The following KCNQ3 variants were observed in gnomAD, a reference collection of about 807,000 sequenced individuals.
KCNQ3 encodes potassium voltage-gated channel subfamily Q member 3.
A neutral mutation model predicts 92.5 loss-of-function variants in KCNQ3; 30 were observed. The ratio of observed to expected loss-of-function variants is 0.32; its 90% CI spans 0.24 to 0.44. The LOEUF (loss-of-function observed/expected upper bound fraction) is 0.44, where lower values mean the gene tolerates loss of function less well. Ranked by LOEUF, KCNQ3 falls within the 20% of genes least tolerant of loss-of-function variation. The pLI is 1.00. For synonymous variants in KCNQ3, 450 were observed against 468.8 expected, an observed-to-expected ratio of 0.96 and a Z score of 0.52; for missense variants, 913 against 1,140.3, an observed-to-expected ratio of 0.80 and a Z score of 2.87.
chr8:132,208,095 A>G (rs1813725782), intron 1 of KCNQ3, among the ~76,000 whole-genome samples: 1 of 152,008 alleles, frequency 6.6e-6, no homozygotes. Context: ...TGGATTTTAT[A>G]TTTACTTTCA....
intron 1 of KCNQ3, among the ~76,000 whole-genome samples, chr8:132,343,187 G>T (rs536793526): frequency 6.6e-6 from 1 of 152,308 alleles, no homozygotes; most frequent in African/African-American, 2.4e-5. Flanking sequence ...CAATGGATTT[G>T]CTTGCTCACT....
At chr8:132,211,794 T>C (rs893408781) in intron 1 of KCNQ3, among the ~76,000 whole-genome samples, 6 of 151,436 alleles carry the variant, frequency 4.0e-5, no homozygotes, top group Non-Finnish European at 8.8e-5. Context: ...CCACTAAAAA[T>C]ACAAAAAAAT....
intron 1 of KCNQ3, among the ~76,000 whole-genome samples, chr8:132,456,793 TA>T (rs1453445270): frequency 1.3e-5 from 2 of 152,080 alleles, no homozygotes; most frequent in Non-Finnish European, 2.9e-5. Flanking sequence ...CTTGTATTTT[TA>T]ATAGAGACGG....
chr8:132,435,535 T>C (rs1821370415), intron 1 of KCNQ3, among the ~76,000 whole-genome samples: 2 of 152,178 alleles, frequency 1.3e-5, no homozygotes, highest in Admixed American at 1.3e-4. Context: ...CAAAGCACCT[T>C]TGGGGGATAT....
intron 1 of KCNQ3, among the ~76,000 whole-genome samples, chr8:132,260,873 C>A (rs1312560565): frequency 6.6e-6 from 1 of 152,078 alleles, no homozygotes; most frequent in Non-Finnish European, 1.5e-5. Flanking sequence ...ATCTGTGCAT[C>A]CAACCATCAT....
chr8:132,314,811 T>C (rs1817692509), intron 1 of KCNQ3, among the ~76,000 whole-genome samples: 1 of 152,202 alleles, frequency 6.6e-6, no homozygotes, highest in African/African-American at 2.4e-5. Flanking sequence ...GAGGTTATGA[T>C]GTTTGAGAGA....
At chr8:132,153,726 C>T (rs1692174314) in intron 9 of KCNQ3, among the ~76,000 whole-genome samples, 3 of 92,704 alleles carry the variant, frequency 3.2e-5, no homozygotes, top group Non-Finnish European at 7.5e-5. Context: ...GATACTCCTA[C>T]CCCGCAAGCC....
At chr8:132,391,214 A>G (rs1586980046) in intron 1 of KCNQ3, among the ~76,000 whole-genome samples, 1 of 152,360 alleles carries the variant, frequency 6.6e-6, no homozygotes, top group East Asian at 1.9e-4. Context: ...GCCAAGACTC[A>G]TGGGTTCGGT....
chr8:132,280,153 T>C (rs1388814193), intron 1 of KCNQ3, among the ~76,000 whole-genome samples: 1 of 152,140 alleles, frequency 6.6e-6, no homozygotes, highest in East Asian at 1.9e-4. Context: ...CTCAAGATGA[T>C]TTCAGAGAGA....
chr8:132,238,668 G>A (rs1814894550), intron 1 of KCNQ3, among the ~76,000 whole-genome samples: 1 of 151,974 alleles, frequency 6.6e-6, no homozygotes, highest in Non-Finnish European at 1.5e-5. Context: ...CTTGTCGCCT[G>A]GCTTCTTTGG....
At chr8:132,147,036 A>G (rs1284892193) in intron 9 of KCNQ3, among the ~76,000 whole-genome samples, 1 of 152,254 alleles carries the variant, frequency 6.6e-6, no homozygotes, top group Non-Finnish European at 1.5e-5. Flanking sequence ...AAAAAAATTT[A>G]AAAAGAACAC....
intron 1 of KCNQ3, among the ~76,000 whole-genome samples, chr8:132,285,163 A>T (rs773905510): frequency 6.6e-5 from 10 of 152,152 alleles, no homozygotes; most frequent in Non-Finnish European, 1.2e-4. Context: ...GAACTGGGTA[A>T]TGGGTCGGGG....
At chr8:132,433,702 C>G (rs888761899) in intron 1 of KCNQ3, among the ~76,000 whole-genome samples, 8 of 149,290 alleles carry the variant, frequency 5.4e-5, no homozygotes, top group Admixed American at 4.7e-4. Flanking sequence ...CCAGCCTGGC[C>G]AACATGGCAA....
chr8:132,448,502 G>GAAAAAAAAAAAAAAAAAAA, intron 1 of KCNQ3, among the ~76,000 whole-genome samples: 165 of 93,812 alleles, frequency 1.8e-3, no homozygotes, highest in Middle Eastern at 0.012. Context: ...GGAGAAATAT[G>GAAAAAAAAAAAAAAAAAAA]AAAAAAAAAA....
intron 1 of KCNQ3, among the ~76,000 whole-genome samples, chr8:132,357,287 A>G (rs1419917873): frequency 6.6e-6 from 1 of 152,346 alleles, no homozygotes; most frequent in East Asian, 1.9e-4. Context: ...CAGCGAAGCA[A>G]GAGTGAAGAA....
At chr8:132,269,818 A>C (rs1385561571) in intron 1 of KCNQ3, among the ~76,000 whole-genome samples, 1 of 152,098 alleles carries the variant, frequency 6.6e-6, no homozygotes, top group African/African-American at 2.4e-5. Context: ...CCCTCTTTCT[A>C]TGACAACCAG....
intron 1 of KCNQ3, among the ~76,000 whole-genome samples, chr8:132,230,473 GAGA>G (rs1039881173): frequency 1.3e-5 from 2 of 150,648 alleles, no homozygotes; most frequent in African/African-American, 2.5e-5. Context: ...GAGAGAGAGA[GAGA>G]GAGAGAAAAT....
At chr8:132,403,047 A>G (rs555681171) in intron 1 of KCNQ3, among the ~76,000 whole-genome samples, 5 of 147,774 alleles carry the variant, frequency 3.4e-5, no homozygotes, top group Non-Finnish European at 7.4e-5. Context: ...CAATATTGGT[A>G]TGTCAATTGT....
At chr8:132,394,384 C>A (rs929883477) in intron 1 of KCNQ3, among the ~76,000 whole-genome samples, 1 of 152,120 alleles carries the variant, frequency 6.6e-6, no homozygotes, top group Admixed American at 6.6e-5. Flanking sequence ...GCTATGCAGA[C>A]CCTGGGAACA....
Sources: gnomAD v4.1 joint callset for allele counts (sites outside exome capture counted in the v4.1 genomes callset) on GRCh38, gnomAD v4.1.1 for gene constraint, MANE v1.5 for transcripts, NCBI Gene and HGNC (gene_info 2026-07-23, HGNC 2026-07-21) for gene names.